The following TIMM21 variants were observed in gnomAD, a reference collection of about 807,000 sequenced individuals.
TIMM21 encodes mitochondrial import inner membrane translocase subunit Tim21.
In TIMM21, 30 loss-of-function variants were observed where a neutral mutation model predicts 27.7. The ratio of observed to expected loss-of-function variants is 1.08; its 90% CI spans 0.81 to 1.47. TIMM21 has a LOEUF of 1.47. Ranked by LOEUF, TIMM21 falls within the 40% of genes most tolerant of loss-of-function variation. The probability of loss-of-function intolerance (pLI) is 0.00; values close to 1 mark genes in which losing one functional copy is unlikely to be tolerated. For missense variants in TIMM21, 292 were observed against 302.9 expected (o/e 0.96, Z 0.27); for synonymous variants, 121 against 114.4 (o/e 1.06, Z -0.37).
Position 74,158,572 on chromosome 18 carries a change from A to G in TIMM21, c.*92A>G, listed in dbSNP as rs555560782. ...GAATGTGTTCAAAAGAAAGACAAGA[A>G]GGAGTGTATGGCTTATAAAGTGAAT... On this transcript the variant is annotated 3_prime_UTR_variant, in exon 6 of 6. Coordinates refer to ENST00000169551, the MANE Select transcript of TIMM21 (RefSeq NM_014177.3). 13 of 779,966 alleles carry G rather than the reference A, an allele frequency of 1.7e-5. No homozygotes were observed. The East Asian group carries it at 3.4e-4, about 21-fold the overall frequency. 48.3% of individuals were successfully genotyped at this position (779,966 alleles called of 1,614,324 possible).
chr18:74,151,086 A>T (rs77667777), intron 1 of TIMM21, among the ~76,000 whole-genome samples: 2,055 of 152,264 alleles, frequency 0.013, 26 homozygotes, highest in Non-Finnish European at 0.019. Flanking sequence ...ACATCCGGTG[A>T]TGGAGGGCGG....
chr18:74,156,449 A>T, intron 3 of TIMM21: 1 of 394,930 alleles, frequency 2.5e-6, no homozygotes, highest in Non-Finnish European at 4.5e-6. Flanking sequence ...TTTTAAATCC[A>T]CTGATTTCTC....
intron 3 of TIMM21, 50 bp downstream of exon 3, chr18:74,155,453 G>A (rs1979927344): frequency 2.0e-6 from 3 of 1,478,238 alleles, no homozygotes; most frequent in East Asian, 2.3e-5. Flanking sequence ...GGGAGAAAAT[G>A]TCTGGGAGGA....
intron 1 of TIMM21, among the ~76,000 whole-genome samples, chr18:74,150,066 T>C (rs1248706436): frequency 6.6e-6 from 1 of 152,194 alleles, no homozygotes; most frequent in Non-Finnish European, 1.5e-5. Context: ...TGGGAGGGCA[T>C]GTCTTGGCAC....
In TIMM21 at chr18:74,158,264, G is replaced by A. The variant is rs149155957; in HGVS notation, c.630G>A (p.Ala210=). The A allele has an allele frequency of 1.2e-4, 195 of 1,614,170 alleles. 1 individual carries two copies. The highest frequency in any genetic ancestry group is 6.4e-4 in the South Asian group (58 of 91,080). Reference sequence around the variant, plus strand: ...CAGGGAAGCAAGGAACGGTGTATGCGCAAGTGAAAGAGGTGTGGGAATCAT... The same window carrying A: ...CAGGGAAGCAAGGAACGGTGTATGCACAAGTGAAAGAGGTGTGGGAATCAT... ...SEPGKQGTVY[A]QVKENPGSGE... The change falls in exon 5 of 6, where the codon GCG becomes GCA. Residue 210 remains alanine (A), a synonymous_variant. Transcript: ENST00000169551.
chr18:74,156,744 C>G (rs1979961036), intron 3 of TIMM21: 1 of 153,352 alleles, frequency 6.5e-6, no homozygotes, highest in African/African-American at 2.4e-5. Flanking sequence ...AAAAACTCCA[C>G]AAGAATATAC....
In TIMM21 at chr18:74,158,662, A is replaced by G. The variant is rs371588069; in HGVS notation, c.*182A>G. The G allele has an allele frequency of 1.9e-6, 1 of 529,390 alleles. No homozygotes were observed. Among genetic ancestry groups the G allele is most frequent in the Non-Finnish European group, 3.4e-6 (1 of 295,092 alleles). The allele number at this position is 529,390 out of a possible 1,614,324, so 32.8% of individuals were successfully genotyped here. ...TTCTTACGGAAAAATTATGAAATAC[A>G]GCATATTTTATGTTCTCCCATTGAC... On this transcript the variant is annotated 3_prime_UTR_variant, in exon 6 of 6. Transcript: ENST00000169551.
rs763005156 is a variant in TIMM21 at position 74,155,589 on chromosome 18, A to G, written c.462+186A>G. 7 of 572,772 alleles carry G rather than the reference A, an allele frequency of 1.2e-5. No individual in the cohort carries two copies. In the Middle Eastern group the frequency reaches 2.8e-3, roughly 226 times the overall value. 35.5% of individuals were successfully genotyped at this position (572,772 alleles called of 1,614,324 possible). A position where few individuals can be genotyped will look rare whatever the true frequency, so the allele number is the denominator to read the frequency against. ...TAAGAGAACCCAAAAGTCAGTGTAC[A>G]GATGTTTTCATGCTAATTGTACAAG... On this transcript the variant is annotated intron_variant, in intron 3 of 5. Transcript: ENST00000169551.
intron 1 of TIMM21, among the ~76,000 whole-genome samples, chr18:74,153,941 C>T (rs142484173): frequency 6.6e-6 from 1 of 151,924 alleles, no homozygotes; most frequent in East Asian, 1.9e-4. Flanking sequence ...AAACATAATG[C>T]CAGGAGGTGA....
intron 1 of TIMM21, among the ~76,000 whole-genome samples, chr18:74,154,272 T>C (rs1262047409): frequency 6.6e-6 from 1 of 150,896 alleles, no homozygotes; most frequent in Non-Finnish European, 1.5e-5. Flanking sequence ...ACACTGTCTT[T>C]TTTTTTTTGG....
rs1333360939 is a variant in TIMM21, at chr18:74,159,533, G to C, written c.*1053G>C. 1 of 151,862 alleles carries C rather than the reference G, an allele frequency of 6.6e-6. No homozygotes were observed. Among genetic ancestry groups the C allele is most frequent in the Non-Finnish European group, 1.5e-5 (1 of 67,994 alleles). 9.4% of individuals were successfully genotyped at this position (151,862 alleles called of 1,614,324 possible). A position where few individuals can be genotyped will look rare whatever the true frequency, so the allele number is the denominator to read the frequency against. On this transcript the variant is annotated 3_prime_UTR_variant, in exon 6 of 6. Coordinates refer to ENST00000169551, the MANE Select transcript of TIMM21 (RefSeq NM_014177.3). ...GTTCTTGAAATTTTGGGATATTCAG[G>C]ATAGAGAGACCTCCAGGCAATCTAT...
chr18:74,157,976 AAAAT>A (rs767622646), intron 3 of TIMM21, 34 bp from the exon 4 acceptor site: 28 of 1,598,596 alleles, frequency 1.8e-5, no homozygotes, highest in Non-Finnish European at 2.3e-5. Flanking sequence ...GAAGCTTAAA[AAAAT>A]AACACAAAAT....
chr18:74,156,350 C>T lies in TIMM21; in HGVS notation c.462+947C>T, dbSNP rs187679084. The T allele has an allele frequency of 6.3e-3, 2,504 of 396,440 alleles. 12 individuals are homozygous for T. The highest frequency in any genetic ancestry group is 8.5e-3 in the Non-Finnish European group (1,929 of 225,964). 24.6% of individuals were successfully genotyped at this position (396,440 alleles called of 1,614,324 possible). A position where few individuals can be genotyped will look rare whatever the true frequency, so the allele number is the denominator to read the frequency against. On this transcript the variant is annotated intron_variant, in intron 3 of 5. Transcript: ENST00000169551. ...CAGTATAGAGCCCGGTGCTGATCTT[C>T]CCTGGGGCCCCGGCTCTGAATGTTC...
chr18:74,153,490 A>C (rs550052611), intron 1 of TIMM21, among the ~76,000 whole-genome samples: 3 of 152,366 alleles, frequency 2.0e-5, no homozygotes, highest in East Asian at 3.9e-4. Flanking sequence ...GAGTTGATAC[A>C]TAACTGGCAG....
rs762191290 is a variant in TIMM21, at chr18:74,152,458, A to C, written c.302-2687A>C. Among the ~76,000 whole-genome samples, 2 of 152,162 alleles carry C rather than the reference A, an allele frequency of 1.3e-5. No individual in the cohort carries two copies. Among genetic ancestry groups the C allele is most frequent in the Non-Finnish European group, 2.9e-5 (2 of 68,024 alleles). The stretch of plus-strand genomic sequence containing the variant: ...TCTCACCATCCCTCTCCATGGCCCC[A>C]GCCACAGCCGTCTGATATAAGTCCT... On this transcript the variant is annotated intron_variant, in intron 1 of 5. Coordinates refer to ENST00000169551, the MANE Select transcript of TIMM21 (RefSeq NM_014177.3). The surrounding 1 kb of genome is among the most constrained non-coding windows in gnomAD (Gnocchi z 4.1).
intron 1 of TIMM21, among the ~76,000 whole-genome samples, chr18:74,151,224 A>G (rs1353754870): frequency 6.6e-6 from 1 of 152,208 alleles, no homozygotes; most frequent in Non-Finnish European, 1.5e-5. Flanking sequence ...TTCCTTCAGT[A>G]AATGCGTTCC....
chr18:74,150,507 T>G (rs749142108), intron 1 of TIMM21, among the ~76,000 whole-genome samples: 2 of 152,222 alleles, frequency 1.3e-5, no homozygotes, highest in Admixed American at 1.3e-4. Flanking sequence ...AAGACTGTTA[T>G]GATAGAGGGT....
Position 74,155,322 on chromosome 18 carries a change from G to A in TIMM21, c.381G>A (p.Thr127=), listed in dbSNP as rs1299079074. 5 of 1,613,176 alleles carry A rather than the reference G, an allele frequency of 3.1e-6. No individual in the cohort carries two copies. The African/African-American group carries it at 5.3e-5, about 17-fold the overall frequency. The change falls in exon 3 of 6, where the codon ACG becomes ACA. Residue 127 remains threonine (T), a synonymous_variant. Transcript: ENST00000169551. ...GISITGGLFY[T]IFKELFSSSS... ...TGATTTCAGGTGGCTTGTTTTACAC[G>A]ATTTTCAAAGAACTTTTTTCTTCAT...
rs1176336713 is a variant in TIMM21, at chr18:74,158,736, A to G, written c.*256A>G. ...TTAACACCATCTTTCATGATTAGAA[A>G]TGTTTGTTATTGGAAATGTTACACC... On this transcript the variant is annotated 3_prime_UTR_variant, in exon 6 of 6. Coordinates refer to ENST00000169551, the MANE Select transcript of TIMM21 (RefSeq NM_014177.3). 4.1e-5 allele frequency: 15 copies of G among 362,176 alleles called. No individual in the cohort carries two copies. The highest frequency in any genetic ancestry group is 1.0e-5 in the Non-Finnish European group (2 of 199,422). The allele number at this position is 362,176 out of a possible 1,614,324, so 22.4% of individuals were successfully genotyped here. A position where few individuals can be genotyped will look rare whatever the true frequency, so the allele number is the denominator to read the frequency against.
Sources: allele counts gnomAD v4.1 joint callset (sites outside exome capture counted in the v4.1 genomes callset), GRCh38; gene constraint gnomAD v4.1.1; non-coding constraint Gnocchi (gnomAD v3.1); transcripts MANE v1.5; gene names NCBI Gene and HGNC (gene_info 2026-07-23, HGNC 2026-07-21).